The following PRKCQ variants were observed in gnomAD, a reference collection of about 807,000 sequenced individuals.
PRKCQ encodes the protein protein kinase C theta type.
Under a neutral mutation model 91.2 loss-of-function variants are expected in PRKCQ, and 41 were observed. The observed-to-expected ratio is 0.45, with a 90% confidence interval of 0.35 to 0.58. The LOEUF (loss-of-function observed/expected upper bound fraction) is 0.58. PRKCQ is among the 20% of genes least tolerant of loss of function. The pLI is 0.00. For synonymous variants in PRKCQ, 307 were observed against 316.9 expected (o/e 0.97, Z 0.33); for missense variants, 673 against 896.5 (o/e 0.75, Z 3.18).
intron 2 of PRKCQ, among the ~76,000 whole-genome samples, chr10:6,514,530 G>A (rs17137421): frequency 0.11 from 17,249 of 152,210 alleles, 1,014 homozygotes; most frequent in Non-Finnish European, 0.13. Flanking sequence ...GCAAAAGTAC[G>A]TTTTCTGAAA....
intron 1 of PRKCQ, among the ~76,000 whole-genome samples, chr10:6,534,351 T>C (rs1279903295): frequency 6.6e-6 from 1 of 152,202 alleles, no homozygotes. Flanking sequence ...CATGAAGCTC[T>C]TTACAGTCTA....
In PRKCQ at chr10:6,580,273, GA is replaced by G. The variant is rs1435072520; in HGVS notation, c.-73del. On this transcript the variant is annotated 5_prime_UTR_variant, in exon 1 of 18. Transcript: ENST00000263125. The stretch of plus-strand genomic sequence containing the variant: ...TGGGACTGCGCGGGGACTGCGCGGG[GA>G]CTGCGCGGGGACTGGCGGGGCTGGC... The G allele has an allele frequency of 4.4e-4, 26 of 59,212 alleles. No homozygotes were observed. The highest frequency in any genetic ancestry group is 1.7e-3 in the Admixed American group (12 of 7,094). 3.7% of individuals were successfully genotyped at this position (59,212 alleles called of 1,614,324 possible).
intron 5 of PRKCQ, 68 bp downstream of exon 5, chr10:6,498,328 T>C: frequency 3.9e-6 from 6 of 1,556,198 alleles, no homozygotes; most frequent in Non-Finnish European, 5.3e-6. Flanking sequence ...CATGCCAGCG[T>C]AGAGGATTAA....
the PRKCQ span, among the ~76,000 whole-genome samples, chr10:6,397,285 G>A: frequency 2.6e-5 from 4 of 152,056 alleles, no homozygotes; most frequent in Admixed American, 2.0e-4. Context: ...TAGTAGAGAC[G>A]GGGTTTCACC....
chr10:6,578,371 G>A (rs1370963048), intron 1 of PRKCQ, among the ~76,000 whole-genome samples: 1 of 152,214 alleles, frequency 6.6e-6, no homozygotes, highest in African/African-American at 2.4e-5. Context: ...ACATGACAAC[G>A]CGGATGGTGG....
intron 2 of PRKCQ, among the ~76,000 whole-genome samples, chr10:6,514,438 C>T (rs1838650222): frequency 6.6e-6 from 1 of 152,282 alleles, no homozygotes; most frequent in East Asian, 1.9e-4. Context: ...GGCTGTCCCA[C>T]TTTCCCCCTC....
intron 1 of PRKCQ, among the ~76,000 whole-genome samples, chr10:6,520,542 C>T (rs1371947151): frequency 6.6e-6 from 1 of 152,180 alleles, no homozygotes; most frequent in Non-Finnish European, 1.5e-5. Context: ...AGGAAAGCTG[C>T]AACCTCTCCC....
Position 6,515,168 on chromosome 10 carries a change from G to A in PRKCQ, c.-9-24C>T, listed in dbSNP as rs377081930. ...CCCTGGAAAAAGACAAAAGACAAAC[G>A]CTGTTTGGGGGCTATAAAAGATATT... On this transcript the variant is annotated intron_variant, in intron 1 of 17. Coordinates refer to ENST00000263125, the MANE Select transcript of PRKCQ (RefSeq NM_006257.5). The A allele has an allele frequency of 1.1e-5, 17 of 1,611,138 alleles. 1 individual carries two copies. The highest frequency in any genetic ancestry group is 2.2e-5 in the South Asian group (2 of 90,598).
At chr10:6,566,450 CA>C (rs1414098903) in intron 1 of PRKCQ, among the ~76,000 whole-genome samples, 1 of 152,160 alleles carries the variant, frequency 6.6e-6, no homozygotes, top group Non-Finnish European at 1.5e-5. Flanking sequence ...ATATTCGAAT[CA>C]GGGGGAATCC....
At chr10:6,518,511 T>C (rs1838863702) in intron 1 of PRKCQ, among the ~76,000 whole-genome samples, 1 of 152,046 alleles carries the variant, frequency 6.6e-6, no homozygotes, top group South Asian at 2.1e-4. Context: ...GTAAAAAGAA[T>C]TATAATATTT....
chr10:6,532,113 C>T (rs1564377486), intron 1 of PRKCQ, among the ~76,000 whole-genome samples: 4 of 152,156 alleles, frequency 2.6e-5, no homozygotes, highest in South Asian at 2.1e-4. Context: ...ATTGTTTAAT[C>T]GGCCAGATGT....
chr10:6,520,400 C>A (rs1240735616), intron 1 of PRKCQ, among the ~76,000 whole-genome samples: 3 of 152,202 alleles, frequency 2.0e-5, no homozygotes, highest in Non-Finnish European at 2.9e-5. Context: ...TCTTACCCTG[C>A]CTCCTCTGTC....
At chr10:6,395,828 C>T in the PRKCQ span, among the ~76,000 whole-genome samples, 20 of 152,244 alleles carry the variant, frequency 1.3e-4, no homozygotes, top group Admixed American at 5.2e-4. Context: ...ACCAACATTG[C>T]CGAGGTCCTG....
chr10:6,534,718 T>G (rs1839507455), intron 1 of PRKCQ, among the ~76,000 whole-genome samples: 1 of 150,034 alleles, frequency 6.7e-6, no homozygotes, highest in Non-Finnish European at 1.5e-5. Context: ...GGCTTATTAC[T>G]TATTGAAACA....
At chr10:6,411,346 T>C in the PRKCQ span, among the ~76,000 whole-genome samples, 1 of 152,318 alleles carries the variant, frequency 6.6e-6, no homozygotes, top group East Asian at 1.9e-4. Flanking sequence ...TATGATTATT[T>C]TTTTCCTCAT....
At chr10:6,546,947 G>A (rs1306673656) in intron 1 of PRKCQ, among the ~76,000 whole-genome samples, 1 of 152,164 alleles carries the variant, frequency 6.6e-6, no homozygotes, top group Non-Finnish European at 1.5e-5. Context: ...ATGAAGCGTT[G>A]TTGAATTTTG....
the PRKCQ span, among the ~76,000 whole-genome samples, chr10:6,414,726 A>G: frequency 6.6e-6 from 1 of 152,082 alleles, no homozygotes; most frequent in Non-Finnish European, 1.5e-5. Flanking sequence ...GTATGCATGT[A>G]AAGATTTGTA....
chr10:6,539,038 A>G (rs981008638), intron 1 of PRKCQ, among the ~76,000 whole-genome samples: 2 of 152,208 alleles, frequency 1.3e-5, no homozygotes, highest in Non-Finnish European at 2.9e-5. Flanking sequence ...TACTGGGATT[A>G]CAGGCGTGAT....
chr10:6,488,213 G>A (rs979949608), intron 8 of PRKCQ, among the ~76,000 whole-genome samples: 1 of 152,152 alleles, frequency 6.6e-6, no homozygotes, highest in Non-Finnish European at 1.5e-5. Flanking sequence ...GCATCGAGCA[G>A]GCGCTCAACA....
Sources: allele counts gnomAD v4.1 joint callset (sites outside exome capture counted in the v4.1 genomes callset), GRCh38; gene constraint gnomAD v4.1.1; transcripts MANE v1.5; gene names NCBI Gene and HGNC (gene_info 2026-07-23, HGNC 2026-07-21).